Variants in ABCA8 observed in about 807,000 individuals in gnomAD.
ABCA8 encodes ATP binding cassette subfamily A member 8.
ABCA8 carries 177 observed loss-of-function variants against 192.3 expected under a neutral mutation model. That is an observed-to-expected ratio of 0.92 (90% CI 0.81 to 1.04). ABCA8 has a LOEUF of 1.04. Ranked by LOEUF, ABCA8 falls within the 50% of genes least tolerant of loss-of-function variation. The pLI, the probability that ABCA8 is intolerant of heterozygous loss-of-function variation, is 0.00. For synonymous variants in ABCA8, 642 were observed against 690.2 expected (o/e 0.93, Z 1.09); for missense variants, 1,915 against 1,904.8 (o/e 1.01, Z -0.10).
intron 18 of ABCA8, among the ~76,000 whole-genome samples, chr17:68,907,221 A>G (rs1427226212): frequency 6.6e-6 from 1 of 152,180 alleles, no homozygotes; most frequent in East Asian, 1.9e-4. Context: ...GAATGAATGT[A>G]TATGTCTTTG....
chr17:68,928,132 C>A, intron 9 of ABCA8, 69 bp from the exon 10 acceptor site: 1 of 1,294,306 alleles, frequency 7.7e-7, no homozygotes, highest in South Asian at 1.5e-5. Context: ...TTAGGTTTAG[C>A]ATAGTAATGA....
At chr17:68,941,391 G>T (rs2068226590) in intron 3 of ABCA8, among the ~76,000 whole-genome samples, 1 of 152,082 alleles carries the variant, frequency 6.6e-6, no homozygotes, top group South Asian at 2.1e-4. Context: ...AGTTAAAAAT[G>T]CTACCTAGCT....
In ABCA8 at chr17:68,867,339, C is replaced by T. The variant is rs1259337665; in HGVS notation, c.*746G>A. 3 of 152,128 alleles carry T rather than the reference C, an allele frequency of 2.0e-5. No homozygotes were observed. Among genetic ancestry groups the T allele is most frequent in the Admixed American group, 1.3e-4 (2 of 15,268 alleles). The allele number at this position is 152,128 out of a possible 1,614,324, so 9.4% of individuals were successfully genotyped here. ...ATTTCACATTTTCTACCTACTCAGT[C>T]ATGTGAGCTGTTGCTACATTTGTGA... On this transcript the variant is annotated 3_prime_UTR_variant, in exon 40 of 40. Coordinates refer to ENST00000586539, the MANE Select transcript of ABCA8 (RefSeq NM_001288985.2).
At chr17:68,880,763 T>C (rs1418120900) in intron 32 of ABCA8, 1 of 310,990 alleles carries the variant, frequency 3.2e-6, no homozygotes, top group African/African-American at 2.2e-5. Context: ...ATCACCGCTA[T>C]GCACCTGGCT....
At chr17:68,954,187 TC>T (rs1323592378) in intron 1 of ABCA8, among the ~76,000 whole-genome samples, 1 of 53,458 alleles carries the variant, frequency 1.9e-5, no homozygotes, top group Non-Finnish European at 3.4e-5. Context: ...CCCTCCCCCC[TC>T]CCCCCACCCC....
At chr17:68,913,479 C>A (rs1416727959) in intron 17 of ABCA8, among the ~76,000 whole-genome samples, 1 of 151,336 alleles carries the variant, frequency 6.6e-6, no homozygotes, top group Non-Finnish European at 1.5e-5. Context: ...AATGGACAAA[C>A]TTTTAGCCAG....
At chr17:68,944,152 T>TG (rs1345095415) in intron 2 of ABCA8, among the ~76,000 whole-genome samples, 2 of 150,334 alleles carry the variant, frequency 1.3e-5, no homozygotes, top group Non-Finnish European at 3.0e-5. Flanking sequence ...TGGGTCCTGT[T>TG]GGGGGGTGAG....
At chr17:68,932,740 C>A (rs1598279881) in intron 6 of ABCA8, among the ~76,000 whole-genome samples, 1 of 152,138 alleles carries the variant, frequency 6.6e-6, no homozygotes, top group African/African-American at 2.4e-5. Context: ...TACCTCCCTG[C>A]CTAACATTAC....
intron 22 of ABCA8, among the ~76,000 whole-genome samples, chr17:68,894,549 C>T (rs1598213503): frequency 6.6e-6 from 1 of 152,058 alleles, no homozygotes; most frequent in African/African-American, 2.4e-5. Flanking sequence ...TTGCTTGAGG[C>T]CAGAATCATA....
At chr17:68,901,876 A>G (rs1342356779) in intron 21 of ABCA8, among the ~76,000 whole-genome samples, 4 of 152,118 alleles carry the variant, frequency 2.6e-5, no homozygotes, top group African/African-American at 9.7e-5. Flanking sequence ...CACTTTGAAA[A>G]ACAGTCTGGC....
Position 68,887,021 on chromosome 17 carries a change from T to C in ABCA8, c.3425A>G (p.Tyr1142Cys), listed in dbSNP as rs376537381. 2 of 1,590,076 alleles carry C rather than the reference T, an allele frequency of 1.3e-6. No individual in the cohort carries two copies. The highest frequency in any genetic ancestry group is 1.7e-6 in the Non-Finnish European group (2 of 1,159,224). The change falls in exon 26 of 40, where the codon TAT (tyrosine) becomes TGT (cysteine). Residue 1142 changes from tyrosine (Y) to cysteine (C), a missense_variant. Coordinates refer to ENST00000586539, the MANE Select transcript of ABCA8 (RefSeq NM_001288985.2). ...KNSGIWSFCF[Y>C]VVTVFSVAGF... The stretch of plus-strand genomic sequence containing the variant: ...ATCCACAAGAAATATACTTACAACA[T>C]AGAAACAAAATGACCAAATGCCACT...
In ABCA8 at chr17:68,955,340, A is replaced by G. The variant is rs1208670939; in HGVS notation, c.-288T>C. ...CATGTATCTAGAATTTGCTTTAACT[A>G]TTTGACTTCTGTGAAAAGTTTCTGT... is the stretch of plus-strand genomic sequence containing the variant. On this transcript the variant is annotated 5_prime_UTR_variant, in exon 1 of 40. Coordinates refer to ENST00000586539, the MANE Select transcript of ABCA8 (RefSeq NM_001288985.2). 1.3e-5 allele frequency: 2 copies of G among 152,134 alleles called. No homozygotes were observed. Among genetic ancestry groups the G allele is most frequent in the Non-Finnish European group, 2.9e-5 (2 of 68,024 alleles). 9.4% of individuals were successfully genotyped at this position (152,134 alleles called of 1,614,324 possible).
At chr17:68,935,411 C>T (rs2068033667) in intron 5 of ABCA8, among the ~76,000 whole-genome samples, 1 of 151,198 alleles carries the variant, frequency 6.6e-6, no homozygotes, top group South Asian at 2.1e-4. Flanking sequence ...GCCACCACGC[C>T]CGGCCACTTT....
intron 37 of ABCA8, 139 bp downstream of exon 37, chr17:68,875,121 C>T (rs2066164787): frequency 8.2e-7 from 1 of 1,214,234 alleles, no homozygotes; most frequent in African/African-American, 1.5e-5. Flanking sequence ...TCTGCTTTCT[C>T]TTCTCTAGTT....
chr17:68,949,124 A>G (rs1269941073), intron 2 of ABCA8, among the ~76,000 whole-genome samples, 188 bp downstream of exon 2: 2 of 152,128 alleles, frequency 1.3e-5, no homozygotes, highest in African/African-American at 4.8e-5. Flanking sequence ...CACCAGTATC[A>G]TGGTGTTTTG....
chr17:68,890,544 AG>A (rs1344122226), intron 24 of ABCA8, among the ~76,000 whole-genome samples: 1 of 151,974 alleles, frequency 6.6e-6, no homozygotes, highest in Non-Finnish European at 1.5e-5. Context: ...TTTGAGATGG[AG>A]TCTCGGTCTG....
Position 68,932,498 on chromosome 17 carries a change from G to T in ABCA8, c.587C>A (p.Ser196Ter). 1 of 1,612,904 alleles carries T rather than the reference G, an allele frequency of 6.2e-7. No homozygotes were observed. The highest frequency in any genetic ancestry group is 1.1e-5 in the South Asian group (1 of 91,020). Residue 196 changes from serine (S) to a stop codon, truncating the protein, a stop_gained, in exon 7 of 40, where the codon TCA becomes TAA. Coordinates refer to ENST00000586539, the MANE Select transcript of ABCA8 (RefSeq NM_001288985.2). LOFTEE classifies it high-confidence loss of function. ...AACTGACATCAGCTCCTCCATCACTGAGTGATTTGTTGTGATCTGAAGAAA... is the reference window on the plus strand; with the variant it reads ...AACTGACATCAGCTCCTCCATCACTTAGTGATTTGTTGTGATCTGAAGAAA... ...AAIIEITTNHSVMEELMSVTG... is the reference protein window; with the variant it reads ...AAIIEITTNH
At chr17:68,910,207 A>G (rs115504523) in intron 17 of ABCA8, among the ~76,000 whole-genome samples, 1,771 of 152,298 alleles carry the variant, frequency 0.012, 43 homozygotes, top group African/African-American at 0.04. Flanking sequence ...TTAACATCAT[A>G]TAAGGAAAGA....
intron 18 of ABCA8, among the ~76,000 whole-genome samples, chr17:68,907,492 C>T (rs1219210110): frequency 2.0e-5 from 3 of 151,940 alleles, no homozygotes; most frequent in Admixed American, 6.6e-5. Flanking sequence ...TATTATGTTA[C>T]ACACTACTAG....
Sources: allele counts gnomAD v4.1 joint callset (sites outside exome capture counted in the v4.1 genomes callset), GRCh38; gene constraint gnomAD v4.1.1; transcripts MANE v1.5; gene names NCBI Gene and HGNC (gene_info 2026-07-23, HGNC 2026-07-21).